DIP2A: variants seen among roughly 807,000 people sequenced by gnomAD.
The protein encoded by DIP2A is DIP2 acetate--CoA ligase A.
DIP2A carries 85 observed loss-of-function variants against 177.4 expected under a neutral mutation model. The observed-to-expected ratio is 0.48, with a 90% CI of 0.40 to 0.57. The LOEUF is 0.57. Ranked by LOEUF, DIP2A falls within the 20% of genes least tolerant of loss-of-function variation. DIP2A has a pLI of 0.00. For missense variants in DIP2A, 1,791 were observed against 2,100.2 expected (o/e 0.85, Z 2.88); for synonymous variants, 886 against 881.8 (o/e 1.00, Z -0.08).
At chr21:46,490,774 T>G in intron 3 of DIP2A, 55 bp downstream of exon 3, 1 of 1,489,652 alleles carries the variant, frequency 6.7e-7, no homozygotes, top group Non-Finnish European at 8.9e-7. Context: ...GCCCTTGGAC[T>G]CTTGCCATGA....
At chr21:46,502,821 A>G (rs752151011) in intron 5 of DIP2A, among the ~76,000 whole-genome samples, 2 of 152,146 alleles carry the variant, frequency 1.3e-5, no homozygotes, top group Non-Finnish European at 2.9e-5. Context: ...CTATAGTCAT[A>G]TAGACACAGT....
At position 46,484,741 on chromosome 21, in the gene DIP2A, T is replaced by C; in HGVS notation, c.92-16T>C. ...TTGTAGAAGAAATGCAATTCTTTTT[T>C]CCATTGTTGTTTTAGGTGACATCAC... On this transcript the variant is annotated splice_polypyrimidine_tract_variant and intron_variant, in intron 1 of 37. Coordinates refer to ENST00000417564, the MANE Select transcript of DIP2A (RefSeq NM_015151.4). 6.5e-7 allele frequency: 1 copy of C among 1,543,174 alleles called. No individual in the cohort carries two copies. The highest frequency in any genetic ancestry group is 8.7e-7 in the Non-Finnish European group (1 of 1,147,766).
chr21:46,539,642 C>T, intron 16 of DIP2A: 1 of 537,066 alleles, frequency 1.9e-6, no homozygotes, highest in South Asian at 2.0e-5. Context: ...TAGTGATGCC[C>T]CTTCTGCCCT....
chr21:46,504,637 A>G (rs1006137734), intron 6 of DIP2A, 148 bp downstream of exon 6: 15 of 981,692 alleles, frequency 1.5e-5, no homozygotes, highest in Non-Finnish European at 2.2e-5. Flanking sequence ...CAGTGTGTGC[A>G]GTTAATGTTA....
intron 10 of DIP2A, among the ~76,000 whole-genome samples, chr21:46,532,815 CAAT>C (rs1303086582): frequency 2.6e-5 from 4 of 151,344 alleles, no homozygotes; most frequent in African/African-American, 9.7e-5. Context: ...ATATAACTAT[CAAT>C]AATATGATTA....
chr21:46,562,008 T>G, intron 34 of DIP2A: 1 of 839,898 alleles, frequency 1.2e-6, no homozygotes, highest in Non-Finnish European at 1.4e-6. Context: ...TAAACACACA[T>G]CTGAGCTCAA....
At chr21:46,547,354 T>A in intron 21 of DIP2A, 1 of 490,202 alleles carries the variant, frequency 2.0e-6, no homozygotes, top group Non-Finnish European at 2.9e-6. Context: ...GGGTCTAAGT[T>A]CCTAATAACC....
intron 1 of DIP2A, among the ~76,000 whole-genome samples, chr21:46,478,721 A>G (rs2056116585): frequency 6.6e-6 from 1 of 151,338 alleles, no homozygotes; most frequent in Admixed American, 6.6e-5. Flanking sequence ...GATTTGAGAT[A>G]CAGTATTTTT....
chr21:46,535,303 A>G (rs1051247034), intron 13 of DIP2A, among the ~76,000 whole-genome samples: 9 of 144,530 alleles, frequency 6.2e-5, no homozygotes, highest in Non-Finnish European at 4.7e-5. Context: ...GTATATATTT[A>G]TGGGGTACAC....
intron 1 of DIP2A, among the ~76,000 whole-genome samples, chr21:46,466,409 C>T (rs1049997801): frequency 1.5e-5 from 2 of 136,040 alleles, no homozygotes; most frequent in African/African-American, 2.8e-5. Flanking sequence ...AGTGCAGTGG[C>T]GCGATCTCAG....
intron 6 of DIP2A, among the ~76,000 whole-genome samples, chr21:46,506,769 TTTCTTTTCTTTTC>T (rs1296211333): frequency 2.3e-4 from 22 of 96,076 alleles, no homozygotes; most frequent in Non-Finnish European, 4.4e-4. Flanking sequence ...TCTTTCTTTC[TTTCTTTTCTTTTC>T]TTTCTTTTCT....
chr21:46,475,183 A>G (rs2839273), intron 1 of DIP2A, among the ~76,000 whole-genome samples: 109,155 of 152,134 alleles, frequency 0.72, 39,990 homozygotes, highest in Non-Finnish European at 0.8. Context: ...TTTCAGTTGC[A>G]AGGCTAGTCT....
chr21:46,526,107 A>G (rs772907567), intron 8 of DIP2A, among the ~76,000 whole-genome samples: 12 of 151,298 alleles, frequency 7.9e-5, no homozygotes, highest in Non-Finnish European at 1.6e-4. Flanking sequence ...ATGGGGTTTC[A>G]CCATGTTGGC....
At chr21:46,465,465 G>A (rs112558208) in intron 1 of DIP2A, among the ~76,000 whole-genome samples, 13 of 152,040 alleles carry the variant, frequency 8.6e-5, no homozygotes, top group Non-Finnish European at 1.8e-4. Flanking sequence ...TCCCAGCTAC[G>A]TGGGAGGCTG....
intron 2 of DIP2A, among the ~76,000 whole-genome samples, chr21:46,489,021 A>G (rs2056850391): frequency 6.6e-6 from 1 of 152,246 alleles, no homozygotes; most frequent in Admixed American, 6.5e-5. Flanking sequence ...CAGTCACAAA[A>G]AGCCAAAAGC....
intron 1 of DIP2A, among the ~76,000 whole-genome samples, chr21:46,471,525 G>T (rs1290472211): frequency 1.3e-5 from 2 of 152,132 alleles, no homozygotes; most frequent in Admixed American, 6.6e-5. Context: ...AATCCTTGTG[G>T]CTCAATCTTT....
intron 16 of DIP2A, 111 bp downstream of exon 16, chr21:46,538,713 T>C (rs1295136834): frequency 5.7e-6 from 8 of 1,405,432 alleles, no homozygotes; most frequent in Non-Finnish European, 7.6e-6. Context: ...CATTGTCATA[T>C]AGATACACAT....
intron 3 of DIP2A, among the ~76,000 whole-genome samples, chr21:46,492,719 T>C (rs575457956): frequency 1.3e-5 from 2 of 152,184 alleles, no homozygotes; most frequent in South Asian, 4.2e-4. Flanking sequence ...TCCCAGCACT[T>C]TGGGAGGCTG....
intron 5 of DIP2A, 37 bp from the exon 6 acceptor site, chr21:46,504,324 C>T (rs994589706): frequency 1.9e-6 from 3 of 1,611,214 alleles, no homozygotes; most frequent in East Asian, 4.5e-5. Flanking sequence ...TTTGACTTAA[C>T]AGCCACTTTC....
Sources: allele counts gnomAD v4.1 joint callset (sites outside exome capture counted in the v4.1 genomes callset), GRCh38; gene constraint gnomAD v4.1.1; transcripts MANE v1.5; gene names NCBI Gene and HGNC (gene_info 2026-07-23, HGNC 2026-07-21).